The following PCDH11Y variants were observed in gnomAD, a reference collection of about 807,000 sequenced individuals.
PCDH11Y encodes the protein protocadherin-11 Y-linked.
For missense variants in PCDH11Y, 12 were observed against 224.8 expected, an observed-to-expected ratio of 0.05 and a Z score of 6.05; for synonymous variants, 9 against 83.6, an observed-to-expected ratio of 0.11 and a Z score of 4.87.
At chrY:5,215,295 G>T (rs2052944454) in intron 2 of PCDH11Y, among the ~76,000 whole-genome samples, 1 of 30,468 alleles carries the variant, frequency 3.3e-5, no homozygotes, top group African/African-American at 1.3e-4. Flanking sequence ...GCTAGGTGGG[G>T]CTAGGGTATA....
chrY:5,512,860 T>C (rs2053367421), intron 3 of PCDH11Y, among the ~76,000 whole-genome samples: 9 of 33,088 alleles, frequency 2.7e-4, no homozygotes, highest in Non-Finnish European at 4.4e-4. Context: ...ATAGAGACTT[T>C]GAGATAATTC....
At chrY:5,336,465 G>A in intron 2 of PCDH11Y, among the ~76,000 whole-genome samples, 1 of 29,352 alleles carries the variant, frequency 3.4e-5, no homozygotes, top group Non-Finnish European at 7.9e-5. Flanking sequence ...TAGAGACGGG[G>A]TTTCACCGTG....
At chrY:5,565,963 A>T (rs2053434218) in intron 3 of PCDH11Y, among the ~76,000 whole-genome samples, 1 of 19,382 alleles carries the variant, frequency 5.2e-5, no homozygotes. Context: ...TATATATATA[A>T]TATATATATA....
At chrY:5,262,771 A>G in intron 2 of PCDH11Y, among the ~76,000 whole-genome samples, 1 of 32,623 alleles carries the variant, frequency 3.1e-5, no homozygotes, top group Non-Finnish European at 7.5e-5. Flanking sequence ...AAGGAGCCCA[A>G]TGTTAATCCC....
At chrY:5,686,189 A>G in intron 4 of PCDH11Y, among the ~76,000 whole-genome samples, 3 of 33,419 alleles carry the variant, frequency 9.0e-5, no homozygotes, top group Non-Finnish European at 1.5e-4. Flanking sequence ...TAGTACCAGT[A>G]CCATGCTGTT....
intron 2 of PCDH11Y, among the ~76,000 whole-genome samples, chrY:5,447,400 G>T (rs112837135): frequency 3.3e-5 from 1 of 30,371 alleles, no homozygotes; most frequent in African/African-American, 1.3e-4. Flanking sequence ...GGCTTAATAC[G>T]TATAAAGTAT....
intron 2 of PCDH11Y, among the ~76,000 whole-genome samples, chrY:5,381,614 A>G (rs2053205310): frequency 3.0e-5 from 1 of 33,796 alleles, no homozygotes; most frequent in South Asian, 6.6e-4. Context: ...TAGGCACTCA[A>G]TAAATGAATG....
chrY:5,089,700 T>A, intron 1 of PCDH11Y, among the ~76,000 whole-genome samples: 1 of 33,494 alleles, frequency 3.0e-5, no homozygotes. Context: ...CAGACAAATT[T>A]GTCATTTACC....
intron 4 of PCDH11Y, among the ~76,000 whole-genome samples, chrY:5,693,146 G>T (rs2124710990): frequency 3.1e-5 from 1 of 32,573 alleles, no homozygotes; most frequent in East Asian, 8.1e-4. Context: ...ATTTAAGACT[G>T]AATGGCTTTT....
At chrY:5,073,530 G>A (rs2052703979) in intron 1 of PCDH11Y, among the ~76,000 whole-genome samples, 2 of 27,091 alleles carry the variant, frequency 7.4e-5, no homozygotes, top group Admixed American at 3.5e-4. Flanking sequence ...TCCGCCTCCC[G>A]GGTTCAAGCA....
chrY:5,093,108 A>G, intron 1 of PCDH11Y, among the ~76,000 whole-genome samples: 1 of 33,168 alleles, frequency 3.0e-5, no homozygotes, highest in Non-Finnish European at 7.5e-5. Context: ...AATATCCTTT[A>G]TCAATTTTTT....
intron 4 of PCDH11Y, among the ~76,000 whole-genome samples, chrY:5,718,361 T>C: frequency 3.0e-5 from 1 of 33,300 alleles, no homozygotes; most frequent in Non-Finnish European, 7.4e-5. Flanking sequence ...TCCTCTGATA[T>C]GGCTTGGCTG....
intron 2 of PCDH11Y, among the ~76,000 whole-genome samples, chrY:5,112,485 A>C: frequency 3.0e-5 from 1 of 32,860 alleles, no homozygotes; most frequent in African/African-American, 1.2e-4. Flanking sequence ...AATTTTAATA[A>C]TTATGAAAAT....
chrY:5,698,103 G>A, intron 4 of PCDH11Y, among the ~76,000 whole-genome samples: 5 of 31,377 alleles, frequency 1.6e-4, no homozygotes, highest in Admixed American at 3.0e-4. Flanking sequence ...AAGAAATTCC[G>A]GGTTGGCAAT....
At chrY:5,637,497 T>C in intron 4 of PCDH11Y, among the ~76,000 whole-genome samples, 1 of 33,484 alleles carries the variant, frequency 3.0e-5, no homozygotes, top group African/African-American at 1.2e-4. Flanking sequence ...ACTTTATCCT[T>C]ACCTATCATG....
intron 2 of PCDH11Y, among the ~76,000 whole-genome samples, chrY:5,444,796 T>G: frequency 9.1e-5 from 3 of 33,145 alleles, no homozygotes; most frequent in Non-Finnish European, 2.2e-4. Flanking sequence ...ACATCCGAAG[T>G]GTCCATCAAC....
At chrY:5,198,696 A>C in intron 2 of PCDH11Y, among the ~76,000 whole-genome samples, 1 of 33,187 alleles carries the variant, frequency 3.0e-5, no homozygotes, top group Admixed American at 2.8e-4. Context: ...CCAGTTATAC[A>C]TGATTTATTT....
chrY:5,420,112 T>C (rs2053256415), intron 2 of PCDH11Y, among the ~76,000 whole-genome samples: 90 of 31,406 alleles, frequency 2.9e-3, no homozygotes, highest in Middle Eastern at 0.028. Flanking sequence ...TTGCTGCACT[T>C]ATCCAGAGCA....
At chrY:5,472,213 T>C (rs2053314621) in intron 2 of PCDH11Y, among the ~76,000 whole-genome samples, 1 of 32,977 alleles carries the variant, frequency 3.0e-5, no homozygotes, top group Non-Finnish European at 7.6e-5. Flanking sequence ...TCATACATAT[T>C]TAAAAAGACA....
Sources: gnomAD v4.1 joint callset for allele counts (sites outside exome capture counted in the v4.1 genomes callset) on GRCh38, gnomAD v4.1.1 for gene constraint, MANE v1.5 for transcripts, NCBI Gene and HGNC (gene_info 2026-07-23, HGNC 2026-07-21) for gene names.